IGFN1: variants seen among roughly 807,000 people sequenced by gnomAD.
IGFN1 encodes the protein immunoglobulin like and fibronectin type III domain containing 1.
In IGFN1, 253 loss-of-function variants were observed where a neutral mutation model predicts 289.5. That is an observed-to-expected ratio of 0.87 (90% CI 0.79 to 0.97). The LOEUF is 0.97. Among genes scored for constraint, IGFN1 ranks in the 50% least tolerant of loss-of-function variants. IGFN1 has a pLI of 0.00. For synonymous variants in IGFN1, 1,706 were observed against 1,788.5 expected (o/e 0.95, Z 1.16); for missense variants, 4,470 against 4,686.1 (o/e 0.95, Z 1.35).
rs1202521673 is a variant in IGFN1 at position 201,211,463 on chromosome 1, A to G, written c.6570A>G (p.Ser2190=). ...KDLGAPEGMG[S]GSKAGFRDGL... is the part of the protein sequence containing the mutation. ...TGGGAGCTCCTGAGGGAATGGGTTC[A>G]GGGAGTAAGGCAGGTTTCAGGGATG... Residue 2190 remains serine, a synonymous_variant, in exon 12 of 24, where the codon TCA becomes TCG. Transcript: ENST00000335211. 1 of 1,500,618 alleles carries G rather than the reference A, an allele frequency of 6.7e-7. No individual in the cohort carries two copies. The highest frequency in any genetic ancestry group is 8.9e-7 in the Non-Finnish European group (1 of 1,125,526). The allele number at this position is 1,500,618 out of a possible 1,614,324, so 93.0% of individuals were successfully genotyped here. A position where few individuals can be genotyped will look rare whatever the true frequency, so the allele number is the denominator to read the frequency against.
chr1:201,226,242 G>T (rs974454663), intron 22 of IGFN1, 119 bp downstream of exon 22: 11 of 1,180,462 alleles, frequency 9.3e-6, no homozygotes, highest in Non-Finnish European at 1.2e-5. Flanking sequence ...ATGGCCTGGA[G>T]CATGCCAAAT....
chr1:201,225,051 A>G (rs1245210163), intron 21 of IGFN1, among the ~76,000 whole-genome samples, 177 bp downstream of exon 21: 1 of 152,224 alleles, frequency 6.6e-6, no homozygotes, highest in African/African-American at 2.4e-5. Context: ...ACCCCAGAAG[A>G]TCCCCTGGGG....
At chr1:201,199,679 G>A in intron 7 of IGFN1, 25 bp downstream of exon 7, 1 of 1,548,090 alleles carries the variant, frequency 6.5e-7, no homozygotes, top group South Asian at 1.2e-5. Flanking sequence ...GTCCATGAGG[G>A]ATTTTGGAGG....
intron 20 of IGFN1, among the ~76,000 whole-genome samples, chr1:201,223,997 C>T (rs536664580): frequency 6.6e-6 from 1 of 152,122 alleles, no homozygotes; most frequent in African/African-American, 2.4e-5. Flanking sequence ...CTCTGCTTTC[C>T]GTGTATTTAT....
At chr1:201,192,219 G>A (rs943629728) in intron 1 of IGFN1, among the ~76,000 whole-genome samples, 59 of 152,360 alleles carry the variant, frequency 3.9e-4, no homozygotes, top group Middle Eastern at 3.4e-3. Context: ...GTGGGTGGCC[G>A]TTGCGAAATG....
rs182522436 is a variant in IGFN1, at chr1:201,208,793, G to A, written c.3900G>A (p.Ser1300=). 953 of 1,533,256 alleles carry A rather than the reference G, an allele frequency of 6.2e-4. 7 individuals are homozygous for A. In the East Asian group the frequency reaches 0.014, roughly 23 times the overall value. 95.0% of individuals were successfully genotyped at this position (1,533,256 alleles called of 1,614,324 possible). ...TGGGGGCTCCTGAGAATATGGGTTC[G>A]GGGAGCAAGGCAGATTATAGGGATG... ...KDLGAPENMG[S]GSKADYRDGV... The change falls in exon 12 of 24, where the codon TCG becomes TCA. Residue 1300 remains serine, a synonymous_variant. Transcript: ENST00000335211.
Position 201,207,737 on chromosome 1 carries a change from C to T in IGFN1, c.2844C>T (p.Pro948=), listed in dbSNP as rs1005820142. 25 of 1,536,748 alleles carry T rather than the reference C, an allele frequency of 1.6e-5. No homozygotes were observed. The highest frequency in any genetic ancestry group is 1.7e-4 in the Middle Eastern group (1 of 6,012). The change falls in exon 12 of 24, where the codon CCC becomes CCT. Residue 948 remains proline (P), a synonymous_variant. Transcript: ENST00000335211. The part of the protein sequence containing the change: ...ETGYKDGLEG[P]GRMESRYEGG... ...GCTATAAGGATGGCTTGGAAGGTCCCGGGAGAATGGAATCTAGGTACGAGG... is the reference window on the plus strand; with the variant it reads ...GCTATAAGGATGGCTTGGAAGGTCCTGGGAGAATGGAATCTAGGTACGAGG...
rs368683129 is a variant in IGFN1 at position 201,213,314 on chromosome 1, G to T, written c.8421G>T (p.Arg2807Ser). ...DEGQGVEEAGRSGRRPGSLRS... is the reference protein window; with the variant it reads ...DEGQGVEEAGSSGRRPGSLRS... ...GGCAGGGAGTGGAAGAGGCTGGGAG[G>T]TCAGGCAGGAGGCCTGGCTCACTCA... Residue 2807 changes from arginine to serine, a missense_variant, in exon 12 of 24, where the codon AGG becomes AGT. Arg to Ser is a moderately radical substitution (Grantham distance 110). Around this residue, in one of 8 missense-constraint regions of IGFN1, gnomAD observed 2,218 missense variants for 2,114.1 expected, o/e 1.05. Coordinates refer to ENST00000335211, the MANE Select transcript of IGFN1 (RefSeq NM_001164586.2). 2.6e-5 allele frequency: 41 copies of T among 1,578,848 alleles called. No individual in the cohort carries two copies. Among genetic ancestry groups the T allele is most frequent in the African/African-American group, 4.0e-5 (3 of 74,104 alleles).
chr1:201,215,054 C>T lies in IGFN1; in HGVS notation c.8895C>T (p.Leu2965=), dbSNP rs775127175. The T allele has an allele frequency of 2.4e-5, 38 of 1,613,974 alleles. No homozygotes were observed. The highest frequency in any genetic ancestry group is 8.3e-5 in the Admixed American group (5 of 60,000). ...QDGVIFKQDG[L]VHSLFITHVQ... ...GAGTCATCTTTAAGCAAGACGGTCT[C>T]GTGCACAGCCTCTTCATCACGCATG... Residue 2965 remains leucine (L), a synonymous_variant, in exon 14 of 24, where the codon CTC becomes CTT. Transcript: ENST00000335211.
chr1:201,201,307 A>G (rs1054905819), intron 8 of IGFN1, among the ~76,000 whole-genome samples: 2 of 152,228 alleles, frequency 1.3e-5, no homozygotes, highest in African/African-American at 4.8e-5. Flanking sequence ...TATCCTGAAA[A>G]TAGTATCTTA....
rs182931135 is a variant in IGFN1, at chr1:201,202,825, G to A, written c.748-913G>A. 8.2e-4 allele frequency among the ~76,000 whole-genome samples: 112 copies of A among 136,894 alleles called. 1 individual carries two copies. The highest frequency in any genetic ancestry group is 1.0e-3 in the African/African-American group (37 of 36,706). The allele number at this position is 136,894 out of a possible 152,430, so 89.8% of individuals were successfully genotyped here. ...GCCTGGAGTGCAGTGGTGCAATCTC[G>A]GCTCACTGCAACCTCTCCCTCCCAG... On this transcript the variant is annotated intron_variant, in intron 9 of 23. Transcript: ENST00000335211.
Position 201,200,347 on chromosome 1 carries a change from A to T in IGFN1, c.569A>T (p.Asp190Val). The T allele has an allele frequency of 6.4e-7, 1 of 1,551,776 alleles. No homozygotes were observed. The highest frequency in any genetic ancestry group is 8.7e-7 in the Non-Finnish European group (1 of 1,147,004). ...ATCTGCTTGAAGTATGGCATCGTCGACTACCGTGGCATGTTGCGCAGGCTG... is the reference window on the plus strand; with the variant it reads ...ATCTGCTTGAAGTATGGCATCGTCGTCTACCGTGGCATGTTGCGCAGGCTG... ...EKICLKYGIVDYRGMLRRLQE... is the reference protein window; with the variant it reads ...EKICLKYGIVVYRGMLRRLQE... The change falls in exon 8 of 24, where the codon GAC (aspartate) becomes GTC (valine). Residue 190 changes from aspartate to valine, a missense_variant. By Grantham distance (152) the Asp-to-Val change is radical. Around this residue, in one of 8 missense-constraint regions of IGFN1, gnomAD observed 2,011 missense variants for 1,953.4 expected, o/e 1.03. Coordinates refer to ENST00000335211, the MANE Select transcript of IGFN1 (RefSeq NM_001164586.2).
Position 201,209,527 on chromosome 1 carries a change from A to G in IGFN1, c.4634A>G (p.Lys1545Arg), listed in dbSNP as rs1287288539. ...GASEAIGSGS[K>R]AGFTDGLGGS... ...TCTGAGGCAATAGGTTCAGGGAGTA[A>G]GGCAGGTTTTACGGATGGTTTAGGA... The change falls in exon 12 of 24, where the codon AAG becomes AGG. Residue 1545 changes from lysine to arginine, a missense_variant. Lys to Arg is a conservative substitution (Grantham distance 26). Around this residue, in one of 8 missense-constraint regions of IGFN1, gnomAD observed 2,011 missense variants for 1,953.4 expected, o/e 1.03. Transcript: ENST00000335211. 7.8e-6 allele frequency: 12 copies of G among 1,532,652 alleles called. No homozygotes were observed. The highest frequency in any genetic ancestry group is 1.0e-5 in the Non-Finnish European group (12 of 1,144,376). 94.9% of individuals were successfully genotyped at this position (1,532,652 alleles called of 1,614,324 possible). A position where few individuals can be genotyped will look rare whatever the true frequency, so the allele number is the denominator to read the frequency against.
rs1667818261 is a variant in IGFN1, at chr1:201,211,743, G to T, written c.6850G>T (p.Ala2284Ser). The change falls in exon 12 of 24, where the codon GCA (alanine) becomes TCA (serine). Residue 2284 changes from alanine to serine, a missense_variant. This residue lies in a region of IGFN1 where 2,218 missense variants were observed against 2,114.1 expected (regional missense o/e 1.05). Transcript: ENST00000335211. ...TGGAAAAATCAGTTCAGGGGATGAG[G>T]CAGGTTATAAGAATGTTTTAGGGGG... The part of the protein sequence containing the change: ...SSGKISSGDE[A>S]GYKNVLGGSG... 2 of 1,536,922 alleles carry T rather than the reference G, an allele frequency of 1.3e-6. No individual in the cohort carries two copies. Among genetic ancestry groups the T allele is most frequent in the African/African-American group, 1.4e-5 (1 of 73,098 alleles).
intron 4 of IGFN1, among the ~76,000 whole-genome samples, chr1:201,196,384 G>A (rs752379376): frequency 2.5e-4 from 38 of 152,238 alleles, no homozygotes; most frequent in Non-Finnish European, 4.3e-4. Flanking sequence ...TCACTCTGTC[G>A]CCCAGGCTGG....
Position 201,211,451 on chromosome 1 carries a change from G to A in IGFN1, c.6558G>A (p.Glu2186=), listed in dbSNP as rs1667790415. Residue 2186 remains glutamate, a synonymous_variant, in exon 12 of 24, where the codon GAG becomes GAA. Coordinates refer to ENST00000335211, the MANE Select transcript of IGFN1 (RefSeq NM_001164586.2). ...ATAGGAAGGATTTGGGAGCTCCTGA[G>A]GGAATGGGTTCAGGGAGTAAGGCAG... The part of the protein sequence containing the change: ...AGYRKDLGAP[E]GMGSGSKAGF... 6.7e-7 allele frequency: 1 copy of A among 1,500,990 alleles called. No homozygotes were observed. Among genetic ancestry groups the A allele is most frequent in the East Asian group, 2.6e-5 (1 of 38,294 alleles). The allele number at this position is 1,500,990 out of a possible 1,614,324, so 93.0% of individuals were successfully genotyped here.
intron 9 of IGFN1, among the ~76,000 whole-genome samples, chr1:201,203,077 A>G (rs904815502): frequency 6.6e-6 from 1 of 152,038 alleles, no homozygotes; most frequent in East Asian, 1.9e-4. Context: ...TTTCTAACAT[A>G]AATTATTTAC....
At chr1:201,220,060 CTT>C (rs36059818) in intron 18 of IGFN1, among the ~76,000 whole-genome samples, 2 of 143,140 alleles carry the variant, frequency 1.4e-5, no homozygotes, top group Non-Finnish European at 3.0e-5. Flanking sequence ...TCTTTCTGTT[CTT>C]TTTTTTCCTT....
chr1:201,224,558 C>A, intron 20 of IGFN1, 121 bp from the exon 21 acceptor site: 4 of 745,588 alleles, frequency 5.4e-6, no homozygotes, highest in Non-Finnish European at 8.7e-6. Flanking sequence ...GTTTTCTGGT[C>A]GACTTTCTCC....
Sources: gnomAD v4.1 joint callset for allele counts (sites outside exome capture counted in the v4.1 genomes callset) on GRCh38, gnomAD v4.1.1 for gene constraint, gnomAD v4.1.1 regional missense constraint, MANE v1.5 for transcripts, NCBI Gene and HGNC (gene_info 2026-07-23, HGNC 2026-07-21) for gene names.